CPNE1: variants seen among roughly 807,000 people sequenced by gnomAD.
CPNE1 encodes copine 1, also known as copine-1.
CPNE1 carries 58 observed loss-of-function variants against 63.2 expected under a neutral mutation model. The ratio of observed to expected loss-of-function variants is 0.92; its 90% CI spans 0.74 to 1.14. CPNE1 has a LOEUF of 1.14. CPNE1 is among the 50% of genes most tolerant of loss of function. The pLI, the probability that CPNE1 is intolerant of heterozygous loss-of-function variation, is 0.00. For synonymous variants in CPNE1, 237 were observed against 249.0 expected (o/e 0.95, Z 0.45); for missense variants, 672 against 661.7 (o/e 1.02, Z -0.17).
chr20:35,660,287 T>C (rs1469113823), intron 1 of CPNE1, among the ~76,000 whole-genome samples: 1 of 152,088 alleles, frequency 6.6e-6, no homozygotes, highest in South Asian at 2.1e-4. Context: ...ATTAGGCTCA[T>C]TGCAACCTCC....
chr20:35,626,846 TA>T, intron 14 of CPNE1, 43 bp from the exon 15 acceptor site: 1 of 1,510,698 alleles, frequency 6.6e-7, no homozygotes, highest in Non-Finnish European at 9.2e-7. Flanking sequence ...ATCCTCCTCC[TA>T]AACCCCTGCA....
intron 1 of CPNE1, chr20:35,654,025 T>C: frequency 1.2e-6 from 2 of 1,614,232 alleles, no homozygotes; most frequent in Non-Finnish European, 1.7e-6. Flanking sequence ...CCCTTTCAAG[T>C]AAACACAAAA....
At chr20:35,637,637 T>C (rs184468243) in intron 1 of CPNE1, among the ~76,000 whole-genome samples, 1 of 152,338 alleles carries the variant, frequency 6.6e-6, no homozygotes, top group African/African-American at 2.4e-5. Flanking sequence ...CTGCGATGTT[T>C]CCTCATTAGT....
chr20:35,646,252 C>CAAAAAAAA (rs549372063), intron 1 of CPNE1, among the ~76,000 whole-genome samples: 18 of 58,354 alleles, frequency 3.1e-4, no homozygotes, highest in East Asian at 1.3e-3. Flanking sequence ...AAGACCATCT[C>CAAAAAAAA]AAAAAAAAAA....
In CPNE1 at chr20:35,661,819, T is replaced by C. The variant is rs147922804; in HGVS notation, c.-1+2941A>G. 7.9e-5 allele frequency among the ~76,000 whole-genome samples: 12 copies of C among 152,324 alleles called. No homozygotes were observed. The East Asian group carries it at 2.1e-3, about 27-fold the overall frequency. ...TCATCTGGTAGTAAACATCCAAAAG[T>C]GAACTTTAACTTTGTTCAGTTATCA... is the stretch of plus-strand genomic sequence containing the variant. On this transcript the variant is annotated intron_variant, in intron 1 of 15. Transcript: ENST00000397443.
At position 35,654,651 on chromosome 20, in the gene CPNE1, GGGCACAGGA is replaced by G. The variant is rs768028697; in HGVS notation, c.-1+10100_-1+10108del. 2.1e-4 allele frequency: 344 copies of G among 1,613,820 alleles called. 1 individual carries two copies. The East Asian group carries it at 2.9e-3, about 14-fold the overall frequency. On this transcript the variant is annotated intron_variant, in intron 1 of 15. Transcript: ENST00000397443. ...GCACAGAAGGAACTGGGGGAATCGG[GGGCACAGGA>G]GGCACAGGAGGCAATGTAGGTACTG... is the stretch of plus-strand genomic sequence containing the variant.
At chr20:35,633,447 C>T (rs1269653702) in intron 1 of CPNE1, among the ~76,000 whole-genome samples, 1 of 152,144 alleles carries the variant, frequency 6.6e-6, no homozygotes, top group Non-Finnish European at 1.5e-5. Context: ...AGTTATGATC[C>T]CCCTACTAAT....
intron 1 of CPNE1, among the ~76,000 whole-genome samples, chr20:35,662,401 G>A (rs2034281546): frequency 6.6e-6 from 1 of 152,176 alleles, no homozygotes; most frequent in African/African-American, 2.4e-5. Context: ...GGGTGTGGTA[G>A]TAAAATCTGA....
intron 1 of CPNE1, among the ~76,000 whole-genome samples, chr20:35,660,144 C>T (rs6060541): frequency 0.26 from 39,409 of 152,170 alleles, 5,926 homozygotes; most frequent in African/African-American, 0.43. Flanking sequence ...ATGTAATCAA[C>T]ACAATCAAAA....
chr20:35,641,303 C>G (rs1377404592), intron 1 of CPNE1, among the ~76,000 whole-genome samples: 2 of 152,188 alleles, frequency 1.3e-5, no homozygotes, highest in Non-Finnish European at 2.9e-5. Context: ...TACCTAATCT[C>G]AAACCTTGGA....
intron 1 of CPNE1, among the ~76,000 whole-genome samples, chr20:35,662,056 T>C (rs1199888240): frequency 2.0e-5 from 3 of 152,162 alleles, no homozygotes; most frequent in Non-Finnish European, 2.9e-5. Flanking sequence ...AAATGGACCA[T>C]ATATCAAAGT....
chr20:35,637,913 C>T (rs1435847409), intron 1 of CPNE1, among the ~76,000 whole-genome samples: 1 of 152,174 alleles, frequency 6.6e-6, no homozygotes, highest in Non-Finnish European at 1.5e-5. Flanking sequence ...GGCTTTTGCA[C>T]TCTGTCTCCC....
At chr20:35,660,796 AT>A (rs2034190560) in intron 1 of CPNE1, among the ~76,000 whole-genome samples, 1 of 152,178 alleles carries the variant, frequency 6.6e-6, no homozygotes, top group Non-Finnish European at 1.5e-5. Context: ...ATATGCCTGA[AT>A]ATAAGGTAAG....
intron 1 of CPNE1, among the ~76,000 whole-genome samples, chr20:35,641,469 A>G (rs187188697): frequency 7.7e-4 from 118 of 152,306 alleles, no homozygotes; most frequent in Admixed American, 5.0e-3. Context: ...ATACTACAAC[A>G]CTAAATTGAT....
chr20:35,643,103 A>G (rs549923159), intron 1 of CPNE1: 1 of 152,970 alleles, frequency 6.5e-6, no homozygotes, highest in South Asian at 2.1e-4. Flanking sequence ...TGGAGAAGGA[A>G]AGAAGCAAAC....
chr20:35,652,127 G>A, intron 1 of CPNE1: 1 of 161,188 alleles, frequency 6.2e-6, no homozygotes, highest in Non-Finnish European at 1.4e-5. Context: ...CAAATTCTGA[G>A]AGTAGCCAAC....
rs748909302 is a variant in CPNE1 at position 35,632,671 on chromosome 20, T to G, written c.155A>C (p.Asn52Thr). The G allele has an allele frequency of 2.9e-5, 35 of 1,189,556 alleles. No homozygotes were observed. The Admixed American group carries it at 5.4e-4, about 18-fold the overall frequency. The allele number at this position is 1,189,556 out of a possible 1,614,324, so 73.7% of individuals were successfully genotyped here. ...AELGRTERVR[N>T]CSSPEFSKTL... is the part of the protein sequence containing the mutation. Reference sequence around the variant, plus strand: ...CTTGGAGAACTCAGGGCTTGAGCAGTTCCGCACCCGTTCAGTCCGGCCAAG... The same window carrying G: ...CTTGGAGAACTCAGGGCTTGAGCAGGTCCGCACCCGTTCAGTCCGGCCAAG... The change falls in exon 3 of 16, where the codon AAC becomes ACC. Residue 52 changes from asparagine (N) to threonine (T), a missense_variant. Coordinates refer to ENST00000397443, the MANE Select transcript of CPNE1 (RefSeq NM_152925.3).
chr20:35,627,353 G>C lies in CPNE1; in HGVS notation c.1163C>G (p.Pro388Arg). ...QALPQVRLYG[P>R]TNFAPIINHV... ...GTTGATGATGGGTGCAAAGTTGGTA[G>C]GGCCATAGAGGCGAACTTGGGGCAG... The change falls in exon 14 of 16, where the codon CCT becomes CGT. Residue 388 changes from proline (P) to arginine (R), a missense_variant. Coordinates refer to ENST00000397443, the MANE Select transcript of CPNE1 (RefSeq NM_152925.3). 6.2e-7 allele frequency: 1 copy of C among 1,614,182 alleles called. No individual in the cohort carries two copies. The highest frequency in any genetic ancestry group is 8.5e-7 in the Non-Finnish European group (1 of 1,180,030).
intron 1 of CPNE1, among the ~76,000 whole-genome samples, chr20:35,660,791 C>G (rs1022316981): frequency 5.3e-5 from 8 of 152,112 alleles, no homozygotes; most frequent in African/African-American, 1.9e-4. Flanking sequence ...AGGGCATATG[C>G]CTGAATATAA....
Sources: gnomAD v4.1 joint callset for allele counts (sites outside exome capture counted in the v4.1 genomes callset) on GRCh38, gnomAD v4.1.1 for gene constraint, MANE v1.5 for transcripts, NCBI Gene and HGNC (gene_info 2026-07-23, HGNC 2026-07-21) for gene names.